The following C13orf42 variants were observed in gnomAD, a reference collection of about 807,000 sequenced individuals.
C13orf42 encodes uncharacterized protein C13orf42.
intron 1 of C13orf42, among the ~76,000 whole-genome samples, chr13:51,123,094 G>C (rs1953549312): frequency 6.6e-6 from 1 of 152,138 alleles, no homozygotes; most frequent in Non-Finnish European, 1.5e-5. Flanking sequence ...AACCACACGT[G>C]GTGAATGATT....
chr13:51,146,942 C>A (rs1410689710), intron 1 of C13orf42, among the ~76,000 whole-genome samples: 1 of 152,256 alleles, frequency 6.6e-6, no homozygotes, highest in Non-Finnish European at 1.5e-5. Flanking sequence ...GGTTCCTCAA[C>A]CTGCAGTGGC....
chr13:51,171,714 A>G (rs1953954459), intron 1 of C13orf42, among the ~76,000 whole-genome samples: 1 of 152,088 alleles, frequency 6.6e-6, no homozygotes, highest in Non-Finnish European at 1.5e-5. Context: ...AGGTGGCTGG[A>G]GCTAAAGGCA....
chr13:51,134,832 G>A (rs180802491), intron 1 of C13orf42, among the ~76,000 whole-genome samples: 194 of 152,298 alleles, frequency 1.3e-3, no homozygotes, highest in Admixed American at 0.01. Flanking sequence ...AGCACATCAG[G>A]TTACAAGTCT....
At chr13:51,138,225 G>A (rs1953671493) in intron 1 of C13orf42, among the ~76,000 whole-genome samples, 1 of 152,174 alleles carries the variant, frequency 6.6e-6, no homozygotes, top group South Asian at 2.1e-4. Flanking sequence ...GTTGTGGCCT[G>A]TTATCAGCAC....
chr13:51,153,220 C>G (rs1233670423), intron 1 of C13orf42, among the ~76,000 whole-genome samples: 1 of 152,200 alleles, frequency 6.6e-6, no homozygotes, highest in African/African-American at 2.4e-5. Context: ...CCTGTCCTGC[C>G]AAGTGACCAC....
At chr13:51,110,706 G>A in intron 1 of C13orf42, 90 bp downstream of exon 1, 1 of 397,652 alleles carries the variant, frequency 2.5e-6, no homozygotes, top group Non-Finnish European at 4.4e-6. Context: ...GATTAATTAA[G>A]CCATGCAGAG....
At chr13:51,087,875 A>T (rs1953145038) in intron 2 of C13orf42, 53 bp downstream of exon 2, 1 of 398,398 alleles carries the variant, frequency 2.5e-6, no homozygotes, top group Admixed American at 4.4e-5. Context: ...TCACAGCATC[A>T]CAGCCCCACC....
At chr13:51,171,426 G>A (rs530653647) in intron 1 of C13orf42, among the ~76,000 whole-genome samples, 13 of 152,018 alleles carry the variant, frequency 8.6e-5, no homozygotes, top group Admixed American at 3.9e-4. Context: ...AGTGCAACTC[G>A]TCCCAAATCT....
chr13:51,105,295 G>C (rs1953340974), intron 1 of C13orf42, among the ~76,000 whole-genome samples: 1 of 152,194 alleles, frequency 6.6e-6, no homozygotes, highest in African/African-American at 2.4e-5. Context: ...AATCACCATA[G>C]GAATTCTGGT....
At chr13:51,168,300 G>C (rs1054987023) in intron 1 of C13orf42, among the ~76,000 whole-genome samples, 1 of 152,200 alleles carries the variant, frequency 6.6e-6, no homozygotes, top group East Asian at 1.9e-4. Flanking sequence ...GTTTCTCACT[G>C]TCTGGTAAAG....
intron 1 of C13orf42, among the ~76,000 whole-genome samples, chr13:51,121,881 T>G (rs553797080): frequency 2.6e-5 from 4 of 152,176 alleles, no homozygotes; most frequent in Non-Finnish European, 5.9e-5. Context: ...ATTACACTTG[T>G]ATAATGGAAC....
chr13:51,097,323 G>C (rs557473916), intron 1 of C13orf42, among the ~76,000 whole-genome samples: 1 of 152,170 alleles, frequency 6.6e-6, no homozygotes, highest in Non-Finnish European at 1.5e-5. Context: ...TCTTAATGAG[G>C]GAATGGTGAG....
chr13:51,113,595 C>A (rs1234635130), upstream of C13orf42, among the ~76,000 whole-genome samples: 1 of 145,862 alleles, frequency 6.9e-6, no homozygotes, highest in Non-Finnish European at 1.5e-5. Flanking sequence ...TGTGTGTGTA[C>A]GTGTGTTTGT....
chr13:51,090,228 G>A (rs1361340190), intron 1 of C13orf42, among the ~76,000 whole-genome samples: 1 of 152,144 alleles, frequency 6.6e-6, no homozygotes, highest in Non-Finnish European at 1.5e-5. Context: ...CTCATTGGCT[G>A]ACTCCGAATT....
chr13:51,162,098 T>C, intron 1 of C13orf42: 1 of 334,982 alleles, frequency 3.0e-6, no homozygotes, highest in Non-Finnish European at 5.9e-6. Context: ...TGGAAGTTCG[T>C]GTGCATAAGC....
intron 1 of C13orf42, among the ~76,000 whole-genome samples, chr13:51,134,139 C>A (rs1182315921): frequency 6.6e-6 from 1 of 152,162 alleles, no homozygotes; most frequent in Middle Eastern, 3.2e-3. Flanking sequence ...TACCTGCCTT[C>A]TCAGGACCAA....
At chr13:51,115,717 A>T (rs1329993673), upstream of C13orf42, among the ~76,000 whole-genome samples, 3 of 152,220 alleles carry the variant, frequency 2.0e-5, no homozygotes, top group Non-Finnish European at 4.4e-5. Flanking sequence ...GACGCTGAGA[A>T]AAGGAAGAGA....
At chr13:51,102,156 C>T (rs1017577395) in intron 1 of C13orf42, among the ~76,000 whole-genome samples, 6 of 152,146 alleles carry the variant, frequency 3.9e-5, no homozygotes, top group Non-Finnish European at 8.8e-5. Flanking sequence ...CAGACACTGG[C>T]CAAGTGATAC....
chr13:51,091,166 TC>T (rs1302221402), intron 1 of C13orf42, among the ~76,000 whole-genome samples: 1 of 152,194 alleles, frequency 6.6e-6, no homozygotes, highest in Non-Finnish European at 1.5e-5. Flanking sequence ...TTCTTCCAGG[TC>T]CCACTTCCCG....
Sources: gnomAD v4.1 joint callset for allele counts (sites outside exome capture counted in the v4.1 genomes callset) on GRCh38, gnomAD v4.1.1 for gene constraint, MANE v1.5 for transcripts, NCBI Gene and HGNC (gene_info 2026-07-23, HGNC 2026-07-21) for gene names.